Variants in STXBP5L observed in about 807,000 individuals in gnomAD.
STXBP5L encodes syntaxin-binding protein 5-like.
Under a neutral mutation model 144.5 loss-of-function variants are expected in STXBP5L, and 65 were observed. That is an observed-to-expected ratio of 0.45 (90% CI 0.37 to 0.55). The LOEUF (loss-of-function observed/expected upper bound fraction) is 0.55. STXBP5L is among the 20% of genes least tolerant of loss of function. The pLI, the probability that STXBP5L is intolerant of heterozygous loss-of-function variation, is 0.00. For synonymous variants in STXBP5L, 505 were observed against 469.6 expected (o/e 1.08, Z -0.97); for missense variants, 1,298 against 1,405.5 (o/e 0.92, Z 1.22).
intron 3 of STXBP5L, among the ~76,000 whole-genome samples, chr3:120,966,839 A>C (rs1939642116): frequency 6.6e-6 from 1 of 152,196 alleles, no homozygotes; most frequent in African/African-American, 2.4e-5. Flanking sequence ...CAGAGCTATC[A>C]GACAGGGGCG....
In STXBP5L at chr3:121,205,992, G is replaced by C. The variant is rs756142242; in HGVS notation, c.947G>C (p.Cys316Ser). The C allele has an allele frequency of 1.3e-6, 2 of 1,499,646 alleles. No individual in the cohort carries two copies. Among genetic ancestry groups the C allele is most frequent in the East Asian group, 5.1e-5 (2 of 39,024 alleles). 92.9% of individuals were successfully genotyped at this position (1,499,646 alleles called of 1,614,324 possible). A position where few individuals can be genotyped will look rare whatever the true frequency, so the allele number is the denominator to read the frequency against. ...ATTCTTAAAGTAGAATACAAGACCTGCAAAAACAGGTATGCATTTTTACTT... is the reference window on the plus strand; with the variant it reads ...ATTCTTAAAGTAGAATACAAGACCTCCAAAAACAGGTATGCATTTTTACTT... ...KPILKVEYKT[C>S]KNSEPFIIFS... Residue 316 changes from cysteine (C) to serine (S), a missense_variant, in exon 10 of 27, where the codon TGC becomes TCC. Physicochemically the swap from Cys to Ser is moderately radical, Grantham distance 112. Coordinates refer to ENST00000471454, the MANE Select transcript of STXBP5L (RefSeq NM_001308330.2).
chr3:120,918,863 A>G (rs1422912508), intron 2 of STXBP5L, among the ~76,000 whole-genome samples: 3 of 152,160 alleles, frequency 2.0e-5, no homozygotes, highest in Admixed American at 1.3e-4. Flanking sequence ...TAATGAAAAA[A>G]ATAACTCTTT....
At chr3:121,028,298 G>A (rs1213828879) in intron 3 of STXBP5L, among the ~76,000 whole-genome samples, 1 of 151,986 alleles carries the variant, frequency 6.6e-6, no homozygotes, top group Admixed American at 6.6e-5. Context: ...TCAGGCTATA[G>A]CAGAAATTTT....
chr3:120,983,213 G>A (rs1941965374), intron 3 of STXBP5L, among the ~76,000 whole-genome samples: 1 of 152,106 alleles, frequency 6.6e-6, no homozygotes, highest in Non-Finnish European at 1.5e-5. Context: ...AGGCGTCTGG[G>A]GTCTGGCCTC....
At chr3:121,039,659 G>GAA (rs1358436416) in intron 3 of STXBP5L, among the ~76,000 whole-genome samples, 4 of 151,740 alleles carry the variant, frequency 2.6e-5, no homozygotes, top group Non-Finnish European at 5.9e-5. Flanking sequence ...TTATGTGTCT[G>GAA]AAAAGTGTCT....
intron 3 of STXBP5L, among the ~76,000 whole-genome samples, chr3:121,004,531 A>G (rs1229354192): frequency 6.6e-6 from 1 of 151,886 alleles, no homozygotes; most frequent in South Asian, 2.1e-4. Context: ...TCCTAATTGA[A>G]TACCCTTTAT....
intron 9 of STXBP5L, among the ~76,000 whole-genome samples, chr3:121,186,905 C>A (rs553062205): frequency 6.6e-6 from 1 of 152,184 alleles, no homozygotes; most frequent in South Asian, 2.1e-4. Flanking sequence ...ATTAAAAAGT[C>A]AGGAAACAAC....
At chr3:121,371,696 T>A (rs762810024) in intron 20 of STXBP5L, among the ~76,000 whole-genome samples, 1 of 152,182 alleles carries the variant, frequency 6.6e-6, no homozygotes, top group African/African-American at 2.4e-5. Flanking sequence ...GGTGTTATCA[T>A]GGGAGCACCG....
At chr3:120,948,639 G>C (rs1441749825) in intron 2 of STXBP5L, among the ~76,000 whole-genome samples, 1 of 151,880 alleles carries the variant, frequency 6.6e-6, no homozygotes, top group Non-Finnish European at 1.5e-5. Context: ...TTACTTATAT[G>C]TGAGAACATG....
chr3:121,021,789 A>G (rs1176289580), intron 3 of STXBP5L, among the ~76,000 whole-genome samples: 1 of 152,192 alleles, frequency 6.6e-6, no homozygotes, highest in African/African-American at 2.4e-5. Flanking sequence ...AGTTCATAGC[A>G]TTAAATGCCT....
chr3:121,277,667 A>G (rs1377969495), intron 18 of STXBP5L, among the ~76,000 whole-genome samples: 1 of 151,626 alleles, frequency 6.6e-6, no homozygotes, highest in Non-Finnish European at 1.5e-5. Context: ...GATTCTTTAT[A>G]TGCCTGCTAC....
intron 3 of STXBP5L, among the ~76,000 whole-genome samples, chr3:120,965,284 A>G (rs1174175652): frequency 6.6e-6 from 1 of 152,172 alleles, no homozygotes; most frequent in Non-Finnish European, 1.5e-5. Flanking sequence ...TTTACATTTA[A>G]GGTTAATACT....
intron 3 of STXBP5L, among the ~76,000 whole-genome samples, chr3:120,987,825 A>C (rs1017422867): frequency 2.0e-4 from 30 of 151,844 alleles, no homozygotes; most frequent in African/African-American, 7.2e-4. Flanking sequence ...AAAGTAAATT[A>C]GGAAGTATTC....
At chr3:120,948,653 T>G (rs139171923) in intron 2 of STXBP5L, among the ~76,000 whole-genome samples, 5 of 152,098 alleles carry the variant, frequency 3.3e-5, no homozygotes, top group East Asian at 3.9e-4. Flanking sequence ...GAACATGTAA[T>G]ATTTGGTTTT....
In STXBP5L at chr3:121,016,759, G is replaced by A. The variant is rs544027374; in HGVS notation, c.288-24941G>A. Among the ~76,000 whole-genome samples the A allele has an allele frequency of 2.6e-5, 4 of 152,220 alleles. No homozygotes were observed. In the East Asian group the frequency reaches 7.7e-4, roughly 29 times the overall value. On this transcript the variant is annotated intron_variant, in intron 3 of 26. Transcript: ENST00000471454. ...GAGGACAGATAGATAATCTGAATAG[G>A]CCTGTATCTATTGAAGAAATTAAAC...
At chr3:121,302,528 T>A (rs534288660) in intron 19 of STXBP5L, among the ~76,000 whole-genome samples, 2 of 152,258 alleles carry the variant, frequency 1.3e-5, no homozygotes, top group Non-Finnish European at 2.9e-5. Flanking sequence ...AAGGGTTTTT[T>A]ATGTCTCTAT....
chr3:121,016,584 G>T (rs1945161588), intron 3 of STXBP5L, among the ~76,000 whole-genome samples: 1 of 152,122 alleles, frequency 6.6e-6, no homozygotes, highest in South Asian at 2.1e-4. Flanking sequence ...ATTGGGGGTG[G>T]GCTGGTGAAT....
At chr3:121,331,801 G>A (rs956599049) in intron 20 of STXBP5L, among the ~76,000 whole-genome samples, 1 of 152,086 alleles carries the variant, frequency 6.6e-6, no homozygotes, top group East Asian at 1.9e-4. Context: ...TAAATAAAAT[G>A]TTGGGGAAAA....
intron 2 of STXBP5L, among the ~76,000 whole-genome samples, chr3:120,923,700 T>C (rs1342526087): frequency 6.6e-6 from 1 of 152,182 alleles, no homozygotes; most frequent in Non-Finnish European, 1.5e-5. Flanking sequence ...TCATAAAAGA[T>C]ATGTCATATG....
Sources: gnomAD v4.1 joint callset for allele counts (sites outside exome capture counted in the v4.1 genomes callset) on GRCh38, gnomAD v4.1.1 for gene constraint, MANE v1.5 for transcripts, NCBI Gene and HGNC (gene_info 2026-07-23, HGNC 2026-07-21) for gene names.